The following SORCS1 variants were observed in gnomAD, a reference collection of about 807,000 sequenced individuals.
SORCS1 encodes sortilin related VPS10 domain containing receptor 1.
A neutral mutation model predicts 146.1 loss-of-function variants in SORCS1; 60 were observed. The ratio of observed to expected loss-of-function variants is 0.41; its 90% CI spans 0.33 to 0.51. The LOEUF (loss-of-function observed/expected upper bound fraction) is 0.51, where lower values mean the gene tolerates loss of function less well. SORCS1 is among the 20% of genes least tolerant of loss of function. SORCS1 has a pLI of 0.21. For missense variants in SORCS1, 1,352 were observed against 1,487.6 expected, an observed-to-expected ratio of 0.91 and a Z score of 1.50; for synonymous variants, 637 against 584.0, an observed-to-expected ratio of 1.09 and a Z score of -1.31.
intron 2 of SORCS1, among the ~76,000 whole-genome samples, chr10:106,906,720 C>T (rs1046020624): frequency 2.6e-5 from 4 of 152,148 alleles, no homozygotes; most frequent in Admixed American, 2.0e-4. Flanking sequence ...CAAACCATAT[C>T]ATGACTATAA....
the SORCS1 span, among the ~76,000 whole-genome samples, chr10:107,170,294 A>T: frequency 1.3e-5 from 2 of 152,204 alleles, no homozygotes; most frequent in African/African-American, 4.8e-5. Flanking sequence ...TAGAAATACA[A>T]ATAGGAAAAA....
intron 6 of SORCS1, among the ~76,000 whole-genome samples, chr10:106,714,650 T>C (rs943283737): frequency 6.6e-6 from 1 of 152,272 alleles, no homozygotes; most frequent in Admixed American, 6.5e-5. Flanking sequence ...TAAATGTATG[T>C]TTGCACAGGA....
chr10:107,108,734 G>T (rs533059779), intron 1 of SORCS1, among the ~76,000 whole-genome samples: 1 of 151,966 alleles, frequency 6.6e-6, no homozygotes, highest in African/African-American at 2.4e-5. Flanking sequence ...ACTCATTCTA[G>T]CATCAACTCA....
intron 1 of SORCS1, among the ~76,000 whole-genome samples, chr10:107,105,372 A>G (rs1308087347): frequency 1.3e-5 from 2 of 152,234 alleles, no homozygotes; most frequent in Non-Finnish European, 2.9e-5. Context: ...GTATATATGA[A>G]GGAAGTTTAT....
rs986120410 is a variant in SORCS1 at position 106,903,080 on chromosome 10, AAAT to A, written c.626+53430_626+53432del. Among the ~76,000 whole-genome samples, 311 of 152,310 alleles carry A rather than the reference AAAT, an allele frequency of 2.0e-3. 1 individual carries two copies. Among genetic ancestry groups the A allele is most frequent in the African/African-American group, 7.2e-3 (300 of 41,572 alleles). The stretch of plus-strand genomic sequence containing the variant: ...GTGACAGAGCAAGACTCTGTCTCAA[AAAT>A]AATAATAACAAAATAATTAGCTGGT... On this transcript the variant is annotated intron_variant, in intron 2 of 25. Coordinates refer to ENST00000263054, the MANE Select transcript of SORCS1 (RefSeq NM_052918.5).
At chr10:106,591,930 C>T (rs1037615473) in intron 24 of SORCS1, among the ~76,000 whole-genome samples, 18 of 152,196 alleles carry the variant, frequency 1.2e-4, no homozygotes, top group Non-Finnish European at 2.4e-4. Context: ...ACACTTTGGT[C>T]AAGACAGCAG....
Position 106,615,017 on chromosome 10 carries a change from A to T in SORCS1, c.2921-2994T>A, listed in dbSNP as rs554951142. Reference sequence around the variant, plus strand: ...CAAACCTTCCCCTGTCAATTTCCCAAATGTGATGCTTTTTTCAGTCCCATC... The same window carrying T: ...CAAACCTTCCCCTGTCAATTTCCCATATGTGATGCTTTTTTCAGTCCCATC... On this transcript the variant is annotated intron_variant, in intron 21 of 25. Transcript: ENST00000263054. Among the ~76,000 whole-genome samples the T allele has an allele frequency of 1.0e-4, 14 of 136,140 alleles. No individual in the cohort carries two copies. In the East Asian group the frequency reaches 2.9e-3, roughly 28 times the overall value. The allele number at this position is 136,140 out of a possible 152,430, so 89.3% of individuals were successfully genotyped here.
chr10:107,056,749 A>G (rs1960677476), intron 1 of SORCS1, among the ~76,000 whole-genome samples: 1 of 152,246 alleles, frequency 6.6e-6, no homozygotes, highest in Admixed American at 6.5e-5. Flanking sequence ...TTCTCTGCTC[A>G]CCCAAACTTC....
At chr10:106,705,100 G>T (rs567226727) in intron 8 of SORCS1, among the ~76,000 whole-genome samples, 7 of 143,242 alleles carry the variant, frequency 4.9e-5, no homozygotes, top group Non-Finnish European at 7.7e-5. Context: ...TCTTACTGGA[G>T]AAAAAAAAAA....
chr10:106,997,122 A>G (rs1432172430), intron 1 of SORCS1, among the ~76,000 whole-genome samples: 3 of 151,910 alleles, frequency 2.0e-5, no homozygotes, highest in Non-Finnish European at 4.4e-5. Context: ...GGCAGGTACC[A>G]CATTAAATTA....
At chr10:106,784,226 T>A (rs557356637) in intron 3 of SORCS1, among the ~76,000 whole-genome samples, 2 of 152,136 alleles carry the variant, frequency 1.3e-5, no homozygotes, top group South Asian at 4.2e-4. Context: ...AAACCCCATC[T>A]CTACTAAAAA....
chr10:107,042,910 A>T (rs1469023401), intron 1 of SORCS1, among the ~76,000 whole-genome samples: 2 of 152,140 alleles, frequency 1.3e-5, no homozygotes, highest in East Asian at 3.9e-4. Flanking sequence ...CCGGAAGTGA[A>T]CTATTAAACA....
intron 2 of SORCS1, among the ~76,000 whole-genome samples, chr10:106,865,569 CA>C (rs1207201411): frequency 2.6e-5 from 4 of 151,618 alleles, no homozygotes; most frequent in African/African-American, 7.3e-5. Context: ...ACTAAAAATA[CA>C]AAAAATTAGC....
intron 17 of SORCS1, among the ~76,000 whole-genome samples, chr10:106,654,030 A>G (rs534402530): frequency 4.7e-4 from 71 of 152,144 alleles, no homozygotes; most frequent in Middle Eastern, 3.4e-3. Context: ...AATCTTCTTG[A>G]GAGTACTTCT....
chr10:106,949,117 C>T (rs1256131207), intron 2 of SORCS1, among the ~76,000 whole-genome samples: 2 of 152,160 alleles, frequency 1.3e-5, no homozygotes, highest in Non-Finnish European at 2.9e-5. Flanking sequence ...GCTTGACTAG[C>T]TCCCTTAGAC....
chr10:106,983,184 TTCTC>T (rs1364905599), intron 1 of SORCS1, among the ~76,000 whole-genome samples: 3 of 141,390 alleles, frequency 2.1e-5, no homozygotes, highest in Non-Finnish European at 3.0e-5. Context: ...ATATACATAT[TTCTC>T]TATATATACA....
At chr10:106,871,551 C>G (rs567599741) in intron 2 of SORCS1, among the ~76,000 whole-genome samples, 163 of 152,292 alleles carry the variant, frequency 1.1e-3, no homozygotes, top group Middle Eastern at 3.4e-3. Context: ...CCATTAAATG[C>G]TATACAGCCA....
At chr10:106,694,980 A>G (rs985181872) in intron 9 of SORCS1, among the ~76,000 whole-genome samples, 2 of 152,166 alleles carry the variant, frequency 1.3e-5, no homozygotes, top group African/African-American at 2.4e-5. Context: ...GCTCCCTCTC[A>G]TCATCCACAC....
chr10:106,968,410 T>C (rs937604300), intron 1 of SORCS1, among the ~76,000 whole-genome samples: 1 of 152,214 alleles, frequency 6.6e-6, no homozygotes, highest in Non-Finnish European at 1.5e-5. Flanking sequence ...ATATTCTTTC[T>C]ATGTGAGAAC....
Sources: gnomAD v4.1 joint callset for allele counts (sites outside exome capture counted in the v4.1 genomes callset) on GRCh38, gnomAD v4.1.1 for gene constraint, MANE v1.5 for transcripts, NCBI Gene and HGNC (gene_info 2026-07-23, HGNC 2026-07-21) for gene names.